The following PRKG1 variants were observed in gnomAD, a reference collection of about 807,000 sequenced individuals.
The protein encoded by PRKG1 is protein kinase cGMP-dependent 1.
In PRKG1, 35 loss-of-function variants were observed where a neutral mutation model predicts 88.1. The observed-to-expected ratio is 0.40, with a 90% confidence interval of 0.30 to 0.53. The LOEUF is 0.53. PRKG1 is among the 20% of genes least tolerant of loss of function. The probability of loss-of-function intolerance (pLI) is 0.59; values close to 1 mark genes in which losing one functional copy is unlikely to be tolerated. For synonymous variants in PRKG1, 303 were observed against 292.5 expected (o/e 1.04, Z -0.37); for missense variants, 540 against 839.8 (o/e 0.64, Z 4.41).
At chr10:51,475,847 C>T (rs999705570) in intron 3 of PRKG1, among the ~76,000 whole-genome samples, 1 of 151,920 alleles carries the variant, frequency 6.6e-6, no homozygotes, top group East Asian at 1.9e-4. Flanking sequence ...GGTAGAAAAA[C>T]AGAACAAAGA....
At chr10:51,313,070 AGTGT>A (rs34130710) in intron 2 of PRKG1, among the ~76,000 whole-genome samples, 3 of 145,812 alleles carry the variant, frequency 2.1e-5, no homozygotes, top group Non-Finnish European at 4.6e-5. Flanking sequence ...ATTAAGTTGC[AGTGT>A]GTGTGTGTGT....
At chr10:51,724,648 C>T (rs912436703) in intron 3 of PRKG1, among the ~76,000 whole-genome samples, 2 of 152,122 alleles carry the variant, frequency 1.3e-5, no homozygotes, top group Non-Finnish European at 2.9e-5. Flanking sequence ...CTGTGGCCTC[C>T]AAAAGTGTTG....
At chr10:51,750,427 G>A (rs1268378349) in intron 3 of PRKG1, among the ~76,000 whole-genome samples, 1 of 152,152 alleles carries the variant, frequency 6.6e-6, no homozygotes, top group Non-Finnish European at 1.5e-5. Flanking sequence ...TTACGGACAT[G>A]TGTACATTTT....
intron 2 of PRKG1, among the ~76,000 whole-genome samples, chr10:51,196,315 G>T (rs150619060): frequency 1.1e-3 from 162 of 152,252 alleles, no homozygotes; most frequent in African/African-American, 3.5e-3. Context: ...ATATGAATTA[G>T]ATTTATTTTT....
At chr10:51,538,926 GT>G (rs930169054) in intron 3 of PRKG1, among the ~76,000 whole-genome samples, 3 of 151,348 alleles carry the variant, frequency 2.0e-5, no homozygotes, top group African/African-American at 7.3e-5. Flanking sequence ...CAGTAATTGT[GT>G]TTTTTTTCCA....
At chr10:51,593,032 C>T (rs142164776) in intron 3 of PRKG1, among the ~76,000 whole-genome samples, 1,737 of 152,332 alleles carry the variant, frequency 0.011, 14 homozygotes, top group Non-Finnish European at 0.016. Flanking sequence ...TTGATATCAA[C>T]ATTATGCACA....
At chr10:51,270,548 G>A (rs757599601) in intron 2 of PRKG1, among the ~76,000 whole-genome samples, 10 of 152,094 alleles carry the variant, frequency 6.6e-5, no homozygotes, top group Non-Finnish European at 1.5e-4. Flanking sequence ...ATCATATAGT[G>A]AGTTACTCCT....
At chr10:51,150,354 C>A (rs1206464710) in intron 1 of PRKG1, among the ~76,000 whole-genome samples, 1 of 151,960 alleles carries the variant, frequency 6.6e-6, no homozygotes, top group African/African-American at 2.4e-5. Flanking sequence ...TAGATGGAGG[C>A]CCTGATTAAT....
intron 2 of PRKG1, among the ~76,000 whole-genome samples, chr10:51,210,298 T>C (rs1208756987): frequency 6.6e-6 from 1 of 151,992 alleles, no homozygotes; most frequent in South Asian, 2.1e-4. Flanking sequence ...CCAGAATCTC[T>C]GGGACACATT....
rs1459070447 is a variant in PRKG1 at position 51,206,484 on chromosome 10, T to A, written c.478+53154T>A. Among the ~76,000 whole-genome samples the A allele has an allele frequency of 2.1e-5, 3 of 143,910 alleles. No individual in the cohort carries two copies. In the Admixed American group the frequency reaches 2.1e-4, roughly 10 times the overall value. 94.4% of individuals were successfully genotyped at this position (143,910 alleles called of 152,430 possible). A position where few individuals can be genotyped will look rare whatever the true frequency, so the allele number is the denominator to read the frequency against. ...TCCAGCCTGGGTGACAGAGCAAAACTCCATCTAAAAAAAAAAAAAAAAGAA... is the reference window on the plus strand; with the variant it reads ...TCCAGCCTGGGTGACAGAGCAAAACACCATCTAAAAAAAAAAAAAAAAGAA... On this transcript the variant is annotated intron_variant, in intron 2 of 17. Transcript: ENST00000373980.
intron 9 of PRKG1, among the ~76,000 whole-genome samples, chr10:52,168,208 G>C (rs962534579): frequency 6.6e-6 from 1 of 152,112 alleles, no homozygotes; most frequent in African/African-American, 2.4e-5. Context: ...AATCTTTCTG[G>C]GAAGTCTTCT....
chr10:51,610,296 A>G (rs1400244815), intron 3 of PRKG1, among the ~76,000 whole-genome samples: 2 of 151,912 alleles, frequency 1.3e-5, no homozygotes, highest in Admixed American at 6.6e-5. Context: ...CCACTCATAC[A>G]CCCTTTCCAG....
intron 1 of PRKG1, among the ~76,000 whole-genome samples, chr10:51,063,384 G>A (rs181032433): frequency 2.0e-4 from 30 of 152,242 alleles, no homozygotes; most frequent in Admixed American, 1.0e-3. Flanking sequence ...ATGATATAGC[G>A]TATTGCTCCC....
intron 8 of PRKG1, among the ~76,000 whole-genome samples, chr10:52,144,970 A>G (rs1211333007): frequency 6.6e-6 from 1 of 152,232 alleles, no homozygotes; most frequent in Non-Finnish European, 1.5e-5. Flanking sequence ...TATGTAATAG[A>G]TAAAGAATAG....
chr10:51,035,242 C>T (rs921029658), intron 1 of PRKG1, among the ~76,000 whole-genome samples: 1 of 152,090 alleles, frequency 6.6e-6, no homozygotes, highest in African/African-American at 2.4e-5. Context: ...CTGTTTAATT[C>T]ATAGGGTTAT....
rs1839007579 is a variant in PRKG1, at chr10:52,180,919, C to T, written c.1076+18956C>T. 2.6e-5 allele frequency among the ~76,000 whole-genome samples: 4 copies of T among 152,202 alleles called. No individual in the cohort carries two copies. In the South Asian group the frequency reaches 8.3e-4, roughly 31 times the overall value. ...ATGGGGCTGTTTCTTAGTCCTGGTA[C>T]ATGGCTGCCTGGCTTCTCAGCTGGC... On this transcript the variant is annotated intron_variant, in intron 9 of 17. Coordinates refer to ENST00000373980, the MANE Select transcript of PRKG1 (RefSeq NM_006258.4).
chr10:52,031,908 G>A (rs1478089289), intron 5 of PRKG1, among the ~76,000 whole-genome samples: 1 of 152,164 alleles, frequency 6.6e-6, no homozygotes, highest in African/African-American at 2.4e-5. Context: ...CAGGATGAGA[G>A]AGTAACAGAT....
At chr10:52,090,403 G>C (rs1181563110) in intron 7 of PRKG1, among the ~76,000 whole-genome samples, 1 of 152,032 alleles carries the variant, frequency 6.6e-6, no homozygotes, top group Non-Finnish European at 1.5e-5. Context: ...AGTCCCTACA[G>C]ATACAAGTAA....
chr10:51,670,548 A>G (rs1840532629), intron 3 of PRKG1, among the ~76,000 whole-genome samples: 1 of 150,012 alleles, frequency 6.7e-6, no homozygotes, highest in African/African-American at 2.4e-5. Flanking sequence ...CATCCCGGCT[A>G]AAACGGTGAA....
Sources: allele counts gnomAD v4.1 joint callset (sites outside exome capture counted in the v4.1 genomes callset), GRCh38; gene constraint gnomAD v4.1.1; transcripts MANE v1.5; gene names NCBI Gene and HGNC (gene_info 2026-07-23, HGNC 2026-07-21).